HDAC4: variants seen among roughly 807,000 people sequenced by gnomAD.
HDAC4 encodes the protein histone deacetylase 4, also known as histone deacetylase A.
HDAC4 carries 16 observed loss-of-function variants against 135.1 expected under a neutral mutation model. That is an observed-to-expected ratio of 0.12 (90% confidence interval 0.08 to 0.18). HDAC4 has a LOEUF of 0.18. Ranked by LOEUF, HDAC4 falls within the 10% of genes least tolerant of loss-of-function variation. The pLI, the probability that HDAC4 is intolerant of heterozygous loss-of-function variation, is 1.00. For synonymous variants in HDAC4, 685 were observed against 653.4 expected (o/e 1.05, Z -0.74); for missense variants, 1,143 against 1,511.8 (o/e 0.76, Z 4.05).
At chr2:239,168,708 C>A (rs979771073) in intron 5 of HDAC4, among the ~76,000 whole-genome samples, 9 of 152,230 alleles carry the variant, frequency 5.9e-5, no homozygotes, top group Non-Finnish European at 1.2e-4. Flanking sequence ...GGGAAGACGC[C>A]GGCTTGGGCC....
Position 239,089,995 on chromosome 2 carries a change from A to C in HDAC4, c.2388+14T>G, listed in dbSNP as rs1574981783. The stretch of plus-strand genomic sequence containing the variant: ...GCCTCCTGGAGGGCCACCACTGTCC[A>C]GGCCCCGACTGACCTTCAGCTCCCC... On this transcript the variant is annotated intron_variant, in intron 18 of 26. Coordinates refer to ENST00000543185, the MANE Select transcript of HDAC4 (RefSeq NM_001378414.1). The C allele has an allele frequency of 6.3e-7, 1 of 1,588,052 alleles. No individual in the cohort carries two copies. Among genetic ancestry groups the C allele is most frequent in the East Asian group, 2.2e-5 (1 of 44,754 alleles).
chr2:239,050,826 T>C lies in HDAC4; in HGVS notation c.*2271A>G, dbSNP rs1357475529. ...GTAAAACGTGACTGTCAGTTACTGT[T>C]GAAGAGAAAAAGAGTAAAGACTGGC... is the stretch of plus-strand genomic sequence containing the variant. On this transcript the variant is annotated 3_prime_UTR_variant, in exon 27 of 27. Coordinates refer to ENST00000543185, the MANE Select transcript of HDAC4 (RefSeq NM_001378414.1). 1 of 152,548 alleles carries C rather than the reference T, an allele frequency of 6.6e-6. No homozygotes were observed. The highest frequency in any genetic ancestry group is 1.5e-5 in the Non-Finnish European group (1 of 68,024). 9.4% of individuals were successfully genotyped at this position (152,548 alleles called of 1,614,324 possible). A position where few individuals can be genotyped will look rare whatever the true frequency, so the allele number is the denominator to read the frequency against.
intron 3 of HDAC4, among the ~76,000 whole-genome samples, chr2:239,229,862 A>G (rs991151708): frequency 6.6e-6 from 1 of 152,236 alleles, no homozygotes; most frequent in Non-Finnish European, 1.5e-5. Flanking sequence ...GGTGACTTGT[A>G]GTTAAATCTC....
At chr2:239,298,829 T>C (rs1404989730) in intron 2 of HDAC4, among the ~76,000 whole-genome samples, 1 of 151,782 alleles carries the variant, frequency 6.6e-6, no homozygotes, top group Non-Finnish European at 1.5e-5. Flanking sequence ...CTAAATGTAC[T>C]GAATCCGGAA....
At chr2:239,212,982 T>G (rs2046423771) in intron 3 of HDAC4, among the ~76,000 whole-genome samples, 1 of 152,170 alleles carries the variant, frequency 6.6e-6, no homozygotes, top group Admixed American at 6.5e-5. Flanking sequence ...CCCTCTAGCC[T>G]CTGTACCCAC....
chr2:239,358,412 T>C (rs770108008), intron 1 of HDAC4, among the ~76,000 whole-genome samples: 1 of 152,196 alleles, frequency 6.6e-6, no homozygotes, highest in Non-Finnish European at 1.5e-5. Context: ...TTTGTTTGTT[T>C]GTTTTTGAGC....
chr2:239,371,572 A>G (rs1694620737), intron 1 of HDAC4, among the ~76,000 whole-genome samples: 1 of 151,950 alleles, frequency 6.6e-6, no homozygotes, highest in African/African-American at 2.4e-5. Flanking sequence ...CTCACAGTGT[A>G]ACACACCCAC....
intron 3 of HDAC4, among the ~76,000 whole-genome samples, chr2:239,197,847 T>TTGTGTGTGTGTGTGTGTGTGTG (rs368801140): frequency 3.4e-4 from 48 of 140,216 alleles, no homozygotes; most frequent in South Asian, 1.7e-3. Context: ...CACTAAAAGT[T>TTGTGTGTGTGTGTGTGTGTGTG]TGTGTGTGTG....
At chr2:239,332,393 T>C (rs1455328168) in intron 2 of HDAC4, among the ~76,000 whole-genome samples, 4 of 151,862 alleles carry the variant, frequency 2.6e-5, no homozygotes, top group Admixed American at 6.6e-5. Context: ...ATAAAATGAG[T>C]GACCACAGTG....
intron 3 of HDAC4, among the ~76,000 whole-genome samples, chr2:239,193,295 G>A (rs62188560): frequency 2.0e-5 from 3 of 152,372 alleles, no homozygotes; most frequent in Non-Finnish European, 2.9e-5. Flanking sequence ...CATTGTAAAC[G>A]TCTGGTGTTA....
chr2:239,089,442 C>T (rs1437162540), intron 18 of HDAC4, among the ~76,000 whole-genome samples: 3 of 152,204 alleles, frequency 2.0e-5, no homozygotes, highest in Admixed American at 6.5e-5. Context: ...ATTCGCCAGC[C>T]TCAGCCTCCC....
Position 239,352,991 on chromosome 2 carries a change from T to G in HDAC4, c.-219-73A>C. 1 of 441,240 alleles carries G rather than the reference T, an allele frequency of 2.3e-6. No homozygotes were observed. 27.3% of individuals were successfully genotyped at this position (441,240 alleles called of 1,614,324 possible). ...TCCGATCTGGAAAACAACATCCAACTAGGGAAATGATGACTTCCTCTTTTT... is the reference window on the plus strand; with the variant it reads ...TCCGATCTGGAAAACAACATCCAACGAGGGAAATGATGACTTCCTCTTTTT... On this transcript the variant is annotated intron_variant, in intron 1 of 26. Coordinates refer to ENST00000543185, the MANE Select transcript of HDAC4 (RefSeq NM_001378414.1). The surrounding 1 kb of genome is among the most constrained non-coding windows in gnomAD (Gnocchi z 4.4).
Position 239,053,580 on chromosome 2 carries a change from T to C in HDAC4, c.3110A>G (p.Gln1037Arg). ...ACGCCCCGCTGTGGAGGTTGTGCGCTGCAGGCAGCGCCAGTACTTGCCTGG... is the reference window on the plus strand; with the variant it reads ...ACGCCCCGCTGTGGAGGTTGTGCGCCGCAGGCAGCGCCAGTACTTGCCTGG... Reference protein sequence around the residue: ...EIHSKYWRCLQRTTSTAGRSL... With the variant: ...EIHSKYWRCLRRTTSTAGRSL... The change falls in exon 26 of 27, where the codon CAG (glutamine) becomes CGG (arginine). Residue 1037 changes from glutamine to arginine, a missense_variant. Gln to Arg is a conservative substitution (Grantham distance 43). This residue lies in a region of HDAC4 where 131 missense variants were observed against 130.6 expected (regional missense o/e 1.00). Transcript: ENST00000543185. 6.2e-7 allele frequency: 1 copy of C among 1,613,870 alleles called. No homozygotes were observed. The highest frequency in any genetic ancestry group is 8.5e-7 in the Non-Finnish European group (1 of 1,179,978).
At chr2:239,339,465 T>C (rs2125858249) in intron 2 of HDAC4, among the ~76,000 whole-genome samples, 1 of 152,170 alleles carries the variant, frequency 6.6e-6, no homozygotes, top group East Asian at 1.9e-4. Flanking sequence ...CCCTGTCCAT[T>C]CCCCAGGTGA....
intron 3 of HDAC4, among the ~76,000 whole-genome samples, chr2:239,210,662 TC>T (rs2046315456): frequency 6.6e-6 from 1 of 152,102 alleles, no homozygotes; most frequent in African/African-American, 2.4e-5. Flanking sequence ...TGACACAAGG[TC>T]CCCTTTATAT....
chr2:239,355,246 T>C (rs1034096033), intron 1 of HDAC4, among the ~76,000 whole-genome samples: 17 of 152,362 alleles, frequency 1.1e-4, no homozygotes, highest in Admixed American at 1.0e-3. Flanking sequence ...TTATTATTTT[T>C]GTTAAACTTG....
At chr2:239,284,610 G>A (rs959041595) in intron 2 of HDAC4, among the ~76,000 whole-genome samples, 1 of 152,196 alleles carries the variant, frequency 6.6e-6, no homozygotes, top group Admixed American at 6.5e-5. Context: ...AAGGCAAGAT[G>A]CCCCTGCATG....
At chr2:239,063,159 C>T (rs1225808906) in intron 24 of HDAC4, among the ~76,000 whole-genome samples, 4 of 152,090 alleles carry the variant, frequency 2.6e-5, no homozygotes, top group African/African-American at 9.7e-5. Flanking sequence ...TGGAACCGTT[C>T]CCATCCCCCA....
intron 12 of HDAC4, among the ~76,000 whole-genome samples, chr2:239,118,055 C>T (rs1376445264): frequency 1.3e-5 from 2 of 152,132 alleles, no homozygotes; most frequent in Admixed American, 6.5e-5. Flanking sequence ...AGGGGTCAGC[C>T]GTATCAGACG....
Sources: gnomAD v4.1 joint callset for allele counts (sites outside exome capture counted in the v4.1 genomes callset) on GRCh38, gnomAD v4.1.1 for gene constraint, gnomAD v4.1.1 regional missense constraint, Gnocchi (gnomAD v3.1) non-coding constraint, MANE v1.5 for transcripts, NCBI Gene and HGNC (gene_info 2026-07-23, HGNC 2026-07-21) for gene names.